Variants in SCHIP1 observed in about 807,000 individuals in gnomAD.
The protein encoded by SCHIP1 is schwannomin-interacting protein 1.
SCHIP1 carries 8 observed loss-of-function variants against 29.7 expected under a neutral mutation model. The ratio of observed to expected loss-of-function variants is 0.27; its 90% CI spans 0.16 to 0.49. The LOEUF (loss-of-function observed/expected upper bound fraction) is 0.49. SCHIP1 is among the 20% of genes least tolerant of loss of function. The pLI, the probability that SCHIP1 is intolerant of heterozygous loss-of-function variation, is 0.99. For missense variants in SCHIP1, 193 were observed against 294.6 expected (o/e 0.66, Z 2.52); for synonymous variants, 76 against 94.9 (o/e 0.80, Z 1.16).
At chr3:159,742,335 G>A in the SCHIP1 span, among the ~76,000 whole-genome samples, 1 of 152,214 alleles carries the variant, frequency 6.6e-6, no homozygotes, top group Non-Finnish European at 1.5e-5. Context: ...CCCCAAAAGT[G>A]TGGAATCTCC....
At chr3:159,592,442 A>AT in the SCHIP1 span, among the ~76,000 whole-genome samples, 1 of 151,820 alleles carries the variant, frequency 6.6e-6, no homozygotes, top group Non-Finnish European at 1.5e-5. Flanking sequence ...TCACAGCTGG[A>AT]TTTTTTTCCT....
At chr3:159,277,841 C>T in the SCHIP1 span, among the ~76,000 whole-genome samples, 3 of 151,728 alleles carry the variant, frequency 2.0e-5, no homozygotes, top group African/African-American at 7.3e-5. Flanking sequence ...CTTGAACCCA[C>T]TGGGTGGAGG....
upstream of SCHIP1, among the ~76,000 whole-genome samples, chr3:159,838,067 T>C (rs1743846818): frequency 2.0e-5 from 3 of 152,108 alleles, no homozygotes; most frequent in Non-Finnish European, 2.9e-5. Flanking sequence ...GCTGCTGAAA[T>C]TGAAGCCTCT....
intron 2 of SCHIP1, among the ~76,000 whole-genome samples, chr3:159,868,603 T>A (rs1714909170): frequency 6.6e-6 from 1 of 152,134 alleles, no homozygotes; most frequent in Non-Finnish European, 1.5e-5. Flanking sequence ...AAATTTTATT[T>A]TTTGTCCTGA....
chr3:159,358,266 C>A, the SCHIP1 span, among the ~76,000 whole-genome samples: 1 of 152,200 alleles, frequency 6.6e-6, no homozygotes, highest in South Asian at 2.1e-4. Flanking sequence ...TTATCCCCAG[C>A]ACCTACTGTA....
the SCHIP1 span, among the ~76,000 whole-genome samples, chr3:159,825,871 G>A: frequency 2.0e-5 from 3 of 152,190 alleles, no homozygotes; most frequent in African/African-American, 7.2e-5. Flanking sequence ...GGTGACTCAG[G>A]TGAAGGCAGA....
At chr3:159,743,974 C>G in the SCHIP1 span, among the ~76,000 whole-genome samples, 1 of 152,052 alleles carries the variant, frequency 6.6e-6, no homozygotes, top group African/African-American at 2.4e-5. Flanking sequence ...AAAGAAGAAG[C>G]ACCCCCCAAA....
chr3:159,326,414 A>G, the SCHIP1 span, among the ~76,000 whole-genome samples: 1 of 152,158 alleles, frequency 6.6e-6, no homozygotes, highest in African/African-American at 2.4e-5. Flanking sequence ...TCTCTTATAC[A>G]TAATTTATCT....
the SCHIP1 span, among the ~76,000 whole-genome samples, chr3:159,549,268 C>T: frequency 6.6e-6 from 1 of 152,050 alleles, no homozygotes; most frequent in East Asian, 1.9e-4. Context: ...CTCTGGTTGT[C>T]CTTAACTCCG....
chr3:159,415,587 A>G, the SCHIP1 span, among the ~76,000 whole-genome samples: 2 of 152,138 alleles, frequency 1.3e-5, no homozygotes, highest in African/African-American at 4.8e-5. Flanking sequence ...CAAAGATAAT[A>G]GTATCCAGCT....
the SCHIP1 span, among the ~76,000 whole-genome samples, chr3:159,651,458 G>C: frequency 6.6e-6 from 1 of 152,150 alleles, no homozygotes; most frequent in Non-Finnish European, 1.5e-5. Flanking sequence ...TTATGACAAA[G>C]ACTGTGTCTA....
At chr3:159,753,064 C>T in the SCHIP1 span, among the ~76,000 whole-genome samples, 1 of 152,184 alleles carries the variant, frequency 6.6e-6, no homozygotes, top group African/African-American at 2.4e-5. Flanking sequence ...TTCCCCACTT[C>T]TGCTCCTCAT....
chr3:159,708,833 C>A, the SCHIP1 span, among the ~76,000 whole-genome samples: 1 of 152,232 alleles, frequency 6.6e-6, no homozygotes, highest in African/African-American at 2.4e-5. Context: ...GAGCTGCAAT[C>A]TTCCAACACA....
At chr3:159,887,556 C>T in intron 3 of SCHIP1, 152 bp from the exon 5 acceptor site, 1 of 792,074 alleles carries the variant, frequency 1.3e-6, no homozygotes. Context: ...TTTTCTGTTA[C>T]TTGAGATTTA....
At chr3:159,834,663 T>C in the SCHIP1 span, among the ~76,000 whole-genome samples, 1 of 152,208 alleles carries the variant, frequency 6.6e-6, no homozygotes, top group Non-Finnish European at 1.5e-5. Context: ...TGCTGCAAAG[T>C]CCCAAATTTT....
chr3:159,330,210 A>T, the SCHIP1 span, among the ~76,000 whole-genome samples: 1 of 152,188 alleles, frequency 6.6e-6, no homozygotes, highest in Non-Finnish European at 1.5e-5. Context: ...TTGATTTTTA[A>T]TGTAGACATC....
chr3:159,399,708 G>T, the SCHIP1 span, among the ~76,000 whole-genome samples: 3 of 152,110 alleles, frequency 2.0e-5, no homozygotes, highest in African/African-American at 7.2e-5. Flanking sequence ...ATAGGGTCTT[G>T]CTCTGTCACC....
At chr3:159,713,127 C>T in the SCHIP1 span, among the ~76,000 whole-genome samples, 5 of 145,352 alleles carry the variant, frequency 3.4e-5, no homozygotes, top group East Asian at 2.0e-4. Context: ...TGCACTCCAG[C>T]CTGGGCAACA....
the SCHIP1 span, among the ~76,000 whole-genome samples, chr3:159,438,262 G>A: frequency 6.6e-6 from 1 of 152,198 alleles, no homozygotes; most frequent in Admixed American, 6.5e-5. Context: ...CCATGCCTGA[G>A]GGGTTCTTTG....
Sources: allele counts gnomAD v4.1 joint callset (sites outside exome capture counted in the v4.1 genomes callset), GRCh38; gene constraint gnomAD v4.1.1; transcripts MANE v1.5; gene names NCBI Gene and HGNC (gene_info 2026-07-23, HGNC 2026-07-21).